Variants in KLHL28 observed in about 807,000 individuals in gnomAD.
KLHL28 encodes the protein kelch-like protein 28.
Under a neutral mutation model 48.3 loss-of-function variants are expected in KLHL28, and 22 were observed. That is an observed-to-expected ratio of 0.46 (90% CI 0.33 to 0.65). The LOEUF (loss-of-function observed/expected upper bound fraction) is 0.65. Among genes scored for constraint, KLHL28 ranks in the 30% least tolerant of loss-of-function variants. The probability of loss-of-function intolerance (pLI) is 0.03; values close to 1 mark genes in which losing one functional copy is unlikely to be tolerated. For missense variants in KLHL28, 527 were observed against 704.3 expected, an observed-to-expected ratio of 0.75 and a Z score of 2.85; for synonymous variants, 243 against 242.4, an observed-to-expected ratio of 1.00 and a Z score of -0.02.
intron 2 of KLHL28, among the ~76,000 whole-genome samples, chr14:44,939,587 A>G (rs1056411104): frequency 6.6e-6 from 1 of 152,168 alleles, no homozygotes; most frequent in African/African-American, 2.4e-5. Flanking sequence ...GCATTCCATA[A>G]AGTCCTAGGA....
At chr14:44,956,085 C>T (rs1228856102) in intron 1 of KLHL28, among the ~76,000 whole-genome samples, 1 of 152,114 alleles carries the variant, frequency 6.6e-6, no homozygotes, top group Non-Finnish European at 1.5e-5. Context: ...TATGCCTTTC[C>T]TACACTAACT....
intron 1 of KLHL28, among the ~76,000 whole-genome samples, chr14:44,960,603 T>C (rs1566582240): frequency 6.6e-6 from 1 of 152,242 alleles, no homozygotes; most frequent in East Asian, 1.9e-4. Flanking sequence ...GGCAGATTCA[T>C]TTAAACACGA....
At position 44,927,417 on chromosome 14, in the gene KLHL28, AAT is replaced by A. The variant is rs1883410048; in HGVS notation, c.*1609_*1610del. On this transcript the variant is annotated 3_prime_UTR_variant, in exon 5 of 5. Coordinates refer to ENST00000396128, the MANE Select transcript of KLHL28 (RefSeq NM_017658.5). ...TTATGGCACTTAAGAATATAATATGAATTTTTTTCTTAAGAAAAATTATCTTG... is the reference window on the plus strand; with the variant it reads ...TTATGGCACTTAAGAATATAATATGATTTTTTCTTAAGAAAAATTATCTTG... 6.6e-6 allele frequency: 1 copy of A among 152,586 alleles called. No homozygotes were observed. Among genetic ancestry groups the A allele is most frequent in the Non-Finnish European group, 1.5e-5 (1 of 67,996 alleles). 9.5% of individuals were successfully genotyped at this position (152,586 alleles called of 1,614,324 possible).
At chr14:44,933,440 T>C (rs1883671929) in intron 3 of KLHL28, among the ~76,000 whole-genome samples, 2 of 151,814 alleles carry the variant, frequency 1.3e-5, no homozygotes, top group Admixed American at 6.6e-5. Context: ...CCTCCCAAAG[T>C]ATTAGGATTA....
At chr14:44,959,009 T>G (rs1239067601) in intron 1 of KLHL28, among the ~76,000 whole-genome samples, 2 of 151,804 alleles carry the variant, frequency 1.3e-5, no homozygotes, top group Admixed American at 1.3e-4. Context: ...AAACTAAAAA[T>G]ATTTTGAATA....
chr14:44,946,051 A>G (rs1884323133), intron 1 of KLHL28, 123 bp from the exon 2 acceptor site: 1 of 739,010 alleles, frequency 1.4e-6, no homozygotes, highest in African/African-American at 1.8e-5. Flanking sequence ...GTTTTTAAAT[A>G]CTTCATAGTA....
At chr14:44,944,164 A>G (rs913012183) in intron 2 of KLHL28, among the ~76,000 whole-genome samples, 28 of 152,214 alleles carry the variant, frequency 1.8e-4, no homozygotes, top group African/African-American at 6.5e-4. Flanking sequence ...AAGCAATCCT[A>G]TCTAAGAAAA....
chr14:44,929,341 C>T, intron 4 of KLHL28, 150 bp from the exon 5 acceptor site: 1 of 714,690 alleles, frequency 1.4e-6, no homozygotes. Context: ...GTAGTCCTCC[C>T]TTTATCTGAG....
At chr14:44,957,735 G>A (rs1884853851) in intron 1 of KLHL28, among the ~76,000 whole-genome samples, 1 of 152,136 alleles carries the variant, frequency 6.6e-6, no homozygotes, top group South Asian at 2.1e-4. Flanking sequence ...GTGAGGCACA[G>A]AGAAATTAAG....
chr14:44,931,852 C>T (rs1566561732), intron 3 of KLHL28, among the ~76,000 whole-genome samples: 1 of 152,076 alleles, frequency 6.6e-6, no homozygotes, highest in African/African-American at 2.4e-5. Flanking sequence ...CTGAACGAAC[C>T]TTAACCCTAC....
At chr14:44,960,687 A>G (rs1324512236) in intron 1 of KLHL28, among the ~76,000 whole-genome samples, 1 of 152,014 alleles carries the variant, frequency 6.6e-6, no homozygotes, top group Admixed American at 6.5e-5. Context: ...ACACAGCCTC[A>G]TTTACATTAT....
intron 1 of KLHL28, chr14:44,959,224 C>T (rs1884931147): frequency 6.6e-6 from 1 of 152,124 alleles, no homozygotes; most frequent in Non-Finnish European, 1.5e-5. Flanking sequence ...TACTTTCTTC[C>T]TCTGTCCAAT....
chr14:44,950,737 T>G (rs1203252543), intron 1 of KLHL28, among the ~76,000 whole-genome samples: 1 of 152,210 alleles, frequency 6.6e-6, no homozygotes, highest in Non-Finnish European at 1.5e-5. Flanking sequence ...TAAAAAGCAG[T>G]TGTAAATATG....
At chr14:44,933,984 T>C (rs2138589292) in intron 3 of KLHL28, 131 bp downstream of exon 3, 10 of 629,316 alleles carry the variant, frequency 1.6e-5, no homozygotes, top group South Asian at 2.2e-5. Context: ...ATTATATCCA[T>C]GGAGCAGATT....
In KLHL28 at chr14:44,927,553, G is replaced by A. The variant is rs577951089; in HGVS notation, c.*1475C>T. 1 of 152,494 alleles carries A rather than the reference G, an allele frequency of 6.6e-6. No individual in the cohort carries two copies. Among genetic ancestry groups the A allele is most frequent in the South Asian group, 2.1e-4 (1 of 4,822 alleles). 9.4% of individuals were successfully genotyped at this position (152,494 alleles called of 1,614,324 possible). On this transcript the variant is annotated 3_prime_UTR_variant, in exon 5 of 5. Coordinates refer to ENST00000396128, the MANE Select transcript of KLHL28 (RefSeq NM_017658.5). ...GTACCGACATAATAATAAAATGCAAGTGAATGTGTTTAAGACTAACAGACA... is the reference window on the plus strand; with the variant it reads ...GTACCGACATAATAATAAAATGCAAATGAATGTGTTTAAGACTAACAGACA...
chr14:44,957,697 A>G (rs1884851944), intron 1 of KLHL28, among the ~76,000 whole-genome samples: 2 of 152,184 alleles, frequency 1.3e-5, no homozygotes, highest in Admixed American at 1.3e-4. Flanking sequence ...CACTGTTATT[A>G]TTACCACCAT....
chr14:44,960,967 C>T (rs750900547), intron 1 of KLHL28: 1 of 1,319,824 alleles, frequency 7.6e-7, no homozygotes, highest in East Asian at 2.5e-5. Flanking sequence ...ACTTTTCGCA[C>T]GAGTCATTCA....
chr14:44,947,505 C>T (rs1003157932), intron 1 of KLHL28, among the ~76,000 whole-genome samples: 1 of 152,138 alleles, frequency 6.6e-6, no homozygotes, highest in African/African-American at 2.4e-5. Context: ...TTAGAGTAGA[C>T]AAAAGGAATA....
intron 2 of KLHL28, among the ~76,000 whole-genome samples, chr14:44,939,437 C>T (rs1468456765): frequency 6.6e-6 from 1 of 152,196 alleles, no homozygotes; most frequent in Non-Finnish European, 1.5e-5. Flanking sequence ...GGTCAAGCTG[C>T]TAATTTTCCA....
Sources: gnomAD v4.1 joint callset for allele counts (sites outside exome capture counted in the v4.1 genomes callset) on GRCh38, gnomAD v4.1.1 for gene constraint, MANE v1.5 for transcripts, NCBI Gene and HGNC (gene_info 2026-07-23, HGNC 2026-07-21) for gene names.